Variants in SEMA5A observed in about 807,000 individuals in gnomAD.
SEMA5A encodes semaphorin-5A.
A neutral mutation model predicts 135.5 loss-of-function variants in SEMA5A; 55 were observed. The ratio of observed to expected loss-of-function variants is 0.41; its 90% CI spans 0.33 to 0.51. The LOEUF (loss-of-function observed/expected upper bound fraction) is 0.51. Ranked by LOEUF, SEMA5A falls within the 20% of genes least tolerant of loss-of-function variation. SEMA5A has a pLI of 0.37. For synonymous variants in SEMA5A, 580 were observed against 546.5 expected (o/e 1.06, Z -0.85); for missense variants, 1,290 against 1,419.9 (o/e 0.91, Z 1.47).
Position 9,088,659 on chromosome 5 carries a change from T to TATATATATATATACACAC in SEMA5A, c.2073+19480_2073+19481insGTGTGTATATATATATAT. On this transcript the variant is annotated intron_variant, in intron 16 of 22. Transcript: ENST00000382496. ...TATAATATATATATATATATATATA[T>TATATATATATATACACAC]ACACACACACACTCATGGAATTCCA... Among the ~76,000 whole-genome samples the TATATATATATATACACAC allele has an allele frequency of 7.3e-3, 822 of 112,706 alleles. 8 individuals are homozygous for TATATATATATATACACAC. Among genetic ancestry groups the TATATATATATATACACAC allele is most frequent in the Non-Finnish European group, 0.011 (644 of 57,148 alleles). The allele number at this position is 112,706 out of a possible 152,430, so 73.9% of individuals were successfully genotyped here. A position where few individuals can be genotyped will look rare whatever the true frequency, so the allele number is the denominator to read the frequency against.
chr5:9,325,367 A>G (rs1752823824), intron 4 of SEMA5A, among the ~76,000 whole-genome samples: 1 of 152,220 alleles, frequency 6.6e-6, no homozygotes, highest in Admixed American at 6.5e-5. Context: ...GAATAATTCA[A>G]ATCACAAAGC....
At chr5:9,422,991 C>T (rs552115410) in intron 2 of SEMA5A, among the ~76,000 whole-genome samples, 2 of 152,310 alleles carry the variant, frequency 1.3e-5, no homozygotes, top group South Asian at 2.1e-4. Flanking sequence ...TGCAAGCCAG[C>T]GTTAAAGACC....
intron 5 of SEMA5A, among the ~76,000 whole-genome samples, chr5:9,298,377 A>C (rs1751444856): frequency 6.6e-6 from 1 of 152,200 alleles, no homozygotes; most frequent in South Asian, 2.1e-4. Context: ...GCCTTAGGGA[A>C]GAATATGGCC....
At chr5:9,453,247 A>G (rs370154334) in intron 1 of SEMA5A, among the ~76,000 whole-genome samples, 14 of 152,326 alleles carry the variant, frequency 9.2e-5, no homozygotes, top group African/African-American at 2.4e-4. Flanking sequence ...AACTTGAGGC[A>G]CTTCCCAGCC....
chr5:9,492,084 G>A (rs899593949), intron 1 of SEMA5A, among the ~76,000 whole-genome samples: 1 of 152,144 alleles, frequency 6.6e-6, no homozygotes, highest in Non-Finnish European at 1.5e-5. Flanking sequence ...TGCTGTGTAT[G>A]ACACATTCTT....
At chr5:9,230,052 G>A (rs2428651) in intron 6 of SEMA5A, among the ~76,000 whole-genome samples, 29,648 of 151,872 alleles carry the variant, frequency 0.2, 3,298 homozygotes, top group African/African-American at 0.31. Context: ...TGGCACAATC[G>A]TGGTTCACTG....
chr5:9,444,595 G>A (rs1041033344), intron 1 of SEMA5A, among the ~76,000 whole-genome samples: 16 of 152,242 alleles, frequency 1.1e-4, no homozygotes, highest in Admixed American at 7.2e-4. Context: ...GTTCATTGGT[G>A]GGCATTTTGG....
intron 2 of SEMA5A, among the ~76,000 whole-genome samples, chr5:9,414,675 A>G (rs1757223887): frequency 6.6e-6 from 1 of 152,264 alleles, no homozygotes; most frequent in Non-Finnish European, 1.5e-5. Context: ...AGAAGAAAAT[A>G]TCAACCATAG....
chr5:9,132,794 A>G (rs1024354440), intron 13 of SEMA5A, among the ~76,000 whole-genome samples: 1 of 152,218 alleles, frequency 6.6e-6, no homozygotes, highest in Non-Finnish European at 1.5e-5. Context: ...ATTGCACTCA[A>G]TGTAACAGGA....
chr5:9,536,905 G>A (rs567000174), intron 1 of SEMA5A, among the ~76,000 whole-genome samples: 4 of 152,240 alleles, frequency 2.6e-5, no homozygotes, highest in East Asian at 1.9e-4. Context: ...AGGAGGTGCC[G>A]CAGACACAAG....
chr5:9,390,405 G>A (rs1756110156), intron 2 of SEMA5A, among the ~76,000 whole-genome samples: 1 of 152,068 alleles, frequency 6.6e-6, no homozygotes, highest in Non-Finnish European at 1.5e-5. Flanking sequence ...CAAAAAAGGA[G>A]GATATTATAA....
intron 2 of SEMA5A, among the ~76,000 whole-genome samples, chr5:9,397,707 A>T (rs1170001699): frequency 6.6e-6 from 1 of 152,248 alleles, no homozygotes; most frequent in Non-Finnish European, 1.5e-5. Flanking sequence ...GATGCTGCAG[A>T]CAAGAATCAA....
At chr5:9,137,332 T>C (rs1460812113) in intron 12 of SEMA5A, among the ~76,000 whole-genome samples, 1 of 152,226 alleles carries the variant, frequency 6.6e-6, no homozygotes, top group African/African-American at 2.4e-5. Flanking sequence ...ATCCTACATA[T>C]GATATCAGAA....
At chr5:9,296,902 CAAAAAAAA>C (rs34923583) in intron 5 of SEMA5A, among the ~76,000 whole-genome samples, 1 of 134,682 alleles carries the variant, frequency 7.4e-6, no homozygotes, top group Non-Finnish European at 1.6e-5. Context: ...ACTGTGATCT[CAAAAAAAA>C]AAAAAAAAAA....
chr5:9,255,835 C>T (rs1051097912), intron 5 of SEMA5A, among the ~76,000 whole-genome samples: 2 of 152,178 alleles, frequency 1.3e-5, no homozygotes, highest in Non-Finnish European at 1.5e-5. Flanking sequence ...TATTCCTTGG[C>T]ATATCCAAAA....
intron 2 of SEMA5A, among the ~76,000 whole-genome samples, chr5:9,420,109 G>C (rs1473083324): frequency 6.6e-6 from 1 of 151,926 alleles, no homozygotes; most frequent in Admixed American, 6.6e-5. Context: ...ACACATGATG[G>C]AGCGCTCCAT....
intron 3 of SEMA5A, among the ~76,000 whole-genome samples, chr5:9,351,614 A>C (rs560931931): frequency 6.6e-6 from 1 of 152,348 alleles, no homozygotes; most frequent in South Asian, 2.1e-4. Flanking sequence ...TTGAGCAATT[A>C]ACACTGTTAT....
At chr5:9,507,172 A>C (rs965946285) in intron 1 of SEMA5A, among the ~76,000 whole-genome samples, 2 of 152,230 alleles carry the variant, frequency 1.3e-5, no homozygotes, top group African/African-American at 4.8e-5. Context: ...GAAGCACCTG[A>C]GTCGACATGG....
At chr5:9,267,124 C>T (rs142402861) in intron 5 of SEMA5A, among the ~76,000 whole-genome samples, 1 of 151,546 alleles carries the variant, frequency 6.6e-6, no homozygotes, top group East Asian at 1.9e-4. Context: ...CTCTCTGAGT[C>T]CACATTGCAA....
Sources: allele counts gnomAD v4.1 joint callset (sites outside exome capture counted in the v4.1 genomes callset), GRCh38; gene constraint gnomAD v4.1.1; transcripts MANE v1.5; gene names NCBI Gene and HGNC (gene_info 2026-07-23, HGNC 2026-07-21).